The following PDE1C variants were observed in gnomAD, a reference collection of about 807,000 sequenced individuals.
PDE1C encodes phosphodiesterase 1C.
A neutral mutation model predicts 93.1 loss-of-function variants in PDE1C; 62 were observed. The ratio of observed to expected loss-of-function variants is 0.67; its 90% CI spans 0.54 to 0.82. PDE1C has a LOEUF of 0.82. Ranked by LOEUF, PDE1C falls within the 40% of genes least tolerant of loss-of-function variation. The pLI, the probability that PDE1C is intolerant of heterozygous loss-of-function variation, is 0.00. For missense variants in PDE1C, 742 were observed against 884.6 expected (o/e 0.84, Z 2.04); for synonymous variants, 325 against 310.1 (o/e 1.05, Z -0.50).
At chr7:31,895,580 T>TTCTCTCTCTCTCTCTCTC (rs60958547) in intron 2 of PDE1C, among the ~76,000 whole-genome samples, 37 of 144,914 alleles carry the variant, frequency 2.6e-4, no homozygotes, top group African/African-American at 8.6e-4. Context: ...TTTCTCTCTT[T>TTCTCTCTCTCTCTCTCTC]TCTCTCTCTC....
At chr7:31,696,819 TC>T in the PDE1C span, 8 of 875,112 alleles carry the variant, frequency 9.1e-6, no homozygotes, top group South Asian at 2.3e-5. Context: ...TACTAATGCT[TC>T]TTATGAAAAG....
the PDE1C span, chr7:31,697,023 C>A: frequency 1.9e-6 from 3 of 1,614,052 alleles, no homozygotes; most frequent in Non-Finnish European, 1.7e-6. Context: ...ATCCAAAGGG[C>A]AAAATGATCC....
the PDE1C span, among the ~76,000 whole-genome samples, chr7:31,696,726 C>T: frequency 6.6e-6 from 1 of 152,126 alleles, no homozygotes; most frequent in African/African-American, 2.4e-5. Flanking sequence ...TACTAAATTC[C>T]TCAGGGTTTT....
At chr7:31,622,116 T>A in the PDE1C span, among the ~76,000 whole-genome samples, 3 of 135,092 alleles carry the variant, frequency 2.2e-5, no homozygotes, top group African/African-American at 8.4e-5. Flanking sequence ...AAGTCCTGAG[T>A]GACCTACAAA....
chr7:31,842,720 A>AT (rs1257233361), intron 9 of PDE1C, among the ~76,000 whole-genome samples: 1 of 151,542 alleles, frequency 6.6e-6, no homozygotes, highest in East Asian at 1.9e-4. Flanking sequence ...AGCTTTCTTA[A>AT]TTTTTTCTTT....
chr7:32,393,519 C>T (rs1363787137), intron 1 of PDE1C, among the ~76,000 whole-genome samples: 2 of 152,114 alleles, frequency 1.3e-5, no homozygotes, highest in East Asian at 3.9e-4. Context: ...ATCTATAAGG[C>T]TATGACTTAA....
rs866523923 is a variant in PDE1C, at chr7:31,774,077, A to G, written c.1960+1587T>C. ...ATTGAAGTTACAAAAGCAGGCAGAC[A>G]TAAGTCATATTTCATCTAAAATGCC... On this transcript the variant is annotated intron_variant, in intron 17 of 17. Coordinates refer to ENST00000396191, the MANE Select transcript of PDE1C (RefSeq NM_001191057.4). Among the ~76,000 whole-genome samples the G allele has an allele frequency of 1.6e-4, 25 of 152,328 alleles. 1 individual carries two copies. The highest frequency in any genetic ancestry group is 6.8e-3 in the Middle Eastern group (2 of 294).
At chr7:32,093,039 T>G (rs1797562347) in intron 3 of PDE1C, among the ~76,000 whole-genome samples, 1 of 152,224 alleles carries the variant, frequency 6.6e-6, no homozygotes, top group Admixed American at 6.5e-5. Context: ...CATGGGATTT[T>G]CAGGTTTAAA....
intron 2 of PDE1C, among the ~76,000 whole-genome samples, chr7:31,939,002 T>C (rs1204002644): frequency 2.6e-5 from 4 of 152,174 alleles, no homozygotes; most frequent in African/African-American, 9.7e-5. Context: ...GTTCTAGGTA[T>C]TGCACAGGAC....
chr7:31,794,246 A>G (rs900586231), intron 16 of PDE1C, among the ~76,000 whole-genome samples: 2 of 152,116 alleles, frequency 1.3e-5, no homozygotes, highest in South Asian at 2.1e-4. Flanking sequence ...ACAGAATAAG[A>G]ACAGTACAAA....
intron 17 of PDE1C, among the ~76,000 whole-genome samples, chr7:31,759,737 G>A (rs972028414): frequency 4.6e-5 from 7 of 152,132 alleles, no homozygotes; most frequent in Admixed American, 3.9e-4. Flanking sequence ...TTTCATAAAA[G>A]CAATGCTCTT....
chr7:31,903,142 T>G (rs1428607175), intron 2 of PDE1C, among the ~76,000 whole-genome samples: 1 of 151,864 alleles, frequency 6.6e-6, no homozygotes, highest in African/African-American at 2.4e-5. Flanking sequence ...AATAGTGATT[T>G]TATAAAACCA....
chr7:32,262,757 A>G (rs1407968963), intron 1 of PDE1C, among the ~76,000 whole-genome samples: 1 of 152,190 alleles, frequency 6.6e-6, no homozygotes, highest in African/African-American at 2.4e-5. Context: ...CAACTCTTTG[A>G]ACTTTCTGAC....
intron 2 of PDE1C, among the ~76,000 whole-genome samples, chr7:31,973,887 G>A (rs987255901): frequency 2.7e-4 from 41 of 152,108 alleles, no homozygotes; most frequent in African/African-American, 9.9e-4. Flanking sequence ...AAATTGACAA[G>A]GTCCTTATAA....
At chr7:31,976,058 G>A (rs931453934) in intron 2 of PDE1C, among the ~76,000 whole-genome samples, 18 of 152,182 alleles carry the variant, frequency 1.2e-4, no homozygotes, top group African/African-American at 4.1e-4. Context: ...ACTAAACTCT[G>A]CTTAGAACAC....
intron 1 of PDE1C, among the ~76,000 whole-genome samples, chr7:32,313,603 G>C (rs914690087): frequency 2.0e-5 from 3 of 151,976 alleles, no homozygotes; most frequent in Admixed American, 6.6e-5. Context: ...GTCCTTTGTG[G>C]GGACACGGAT....
At chr7:32,209,877 T>A (rs1805875211) in intron 1 of PDE1C, among the ~76,000 whole-genome samples, 1 of 152,220 alleles carries the variant, frequency 6.6e-6, no homozygotes. Context: ...GTGGACGTCC[T>A]TTGGCCCCAA....
intron 2 of PDE1C, among the ~76,000 whole-genome samples, chr7:31,931,531 A>G (rs4723115): frequency 0.8 from 122,292 of 152,052 alleles, 49,471 homozygotes; most frequent in Admixed American, 0.84. Context: ...CAACTTACAA[A>G]CGAAGTGAAG....
intron 3 of PDE1C, among the ~76,000 whole-genome samples, chr7:32,107,004 G>T (rs1339306258): frequency 1.3e-5 from 2 of 150,312 alleles, no homozygotes; most frequent in Non-Finnish European, 3.0e-5. Context: ...AAAAGGAAAT[G>T]CCAGAAATAA....
Sources: allele counts gnomAD v4.1 joint callset (sites outside exome capture counted in the v4.1 genomes callset), GRCh38; gene constraint gnomAD v4.1.1; transcripts MANE v1.5; gene names NCBI Gene and HGNC (gene_info 2026-07-23, HGNC 2026-07-21).